FOXJ3: variants seen among roughly 807,000 people sequenced by gnomAD.
FOXJ3 encodes the protein forkhead box protein J3.
Under a neutral mutation model 76.1 loss-of-function variants are expected in FOXJ3, and 22 were observed. That is an observed-to-expected ratio of 0.29 (90% CI 0.21 to 0.41). The LOEUF is 0.41. Ranked by LOEUF, FOXJ3 falls within the 10% of genes least tolerant of loss-of-function variation. The pLI is 1.00. For synonymous variants in FOXJ3, 269 were observed against 261.2 expected (o/e 1.03, Z -0.29); for missense variants, 613 against 762.1 (o/e 0.80, Z 2.30).
At chr1:42,251,986 G>A (rs1261523077) in intron 4 of FOXJ3, among the ~76,000 whole-genome samples, 1 of 151,806 alleles carries the variant, frequency 6.6e-6, no homozygotes, top group Non-Finnish European at 1.5e-5. Context: ...CAAAGTGCTG[G>A]GATTACAGGC....
chr1:42,232,814 C>T (rs527696167), intron 4 of FOXJ3, among the ~76,000 whole-genome samples: 2 of 152,298 alleles, frequency 1.3e-5, no homozygotes, highest in South Asian at 4.1e-4. Flanking sequence ...TCCCATTTGT[C>T]AATTTTGGCT....
intron 2 of FOXJ3, among the ~76,000 whole-genome samples, chr1:42,293,980 TTTC>T (rs1403179464): frequency 6.6e-6 from 1 of 152,178 alleles, no homozygotes; most frequent in Non-Finnish European, 1.5e-5. Flanking sequence ...TTGTTTTCCT[TTTC>T]TTTTGTTGCT....
intron 10 of FOXJ3, 35 bp from the exon 11 acceptor site, chr1:42,188,963 T>C (rs1557620792): frequency 1.5e-6 from 2 of 1,370,994 alleles, no homozygotes; most frequent in East Asian, 4.8e-5. Context: ...GTTAGCACTG[T>C]TATGCAATAA....
At chr1:42,228,215 TAGAA>T (rs1647738278) in intron 4 of FOXJ3, among the ~76,000 whole-genome samples, 1 of 152,130 alleles carries the variant, frequency 6.6e-6, no homozygotes, top group East Asian at 1.9e-4. Context: ...CACCAAAATT[TAGAA>T]AGAAAATGAT....
At chr1:42,274,064 GCTTT>G (rs1420146047) in intron 3 of FOXJ3, among the ~76,000 whole-genome samples, 1 of 152,080 alleles carries the variant, frequency 6.6e-6, no homozygotes, top group Non-Finnish European at 1.5e-5. Flanking sequence ...TTCTTATTGG[GCTTT>G]CTAAGCCACA....
chr1:42,189,629 T>C, intron 9 of FOXJ3: 1 of 429,260 alleles, frequency 2.3e-6, no homozygotes, highest in East Asian at 4.6e-5. Context: ...ACCAGAGAAG[T>C]GACATAACTT....
At chr1:42,232,420 TAA>T (rs1482407172) in intron 4 of FOXJ3, among the ~76,000 whole-genome samples, 38 of 149,516 alleles carry the variant, frequency 2.5e-4, no homozygotes, top group African/African-American at 9.2e-4. Context: ...ACCAATAGTG[TAA>T]AAGTGTTCCT....
chr1:42,314,305 C>T (rs1179217027), intron 1 of FOXJ3, among the ~76,000 whole-genome samples: 2 of 152,196 alleles, frequency 1.3e-5, no homozygotes, highest in Non-Finnish European at 2.9e-5. Context: ...GGCTGGAGGG[C>T]AATGGCGCCA....
intron 2 of FOXJ3, among the ~76,000 whole-genome samples, chr1:42,298,397 C>A (rs1163711145): frequency 6.6e-6 from 1 of 152,126 alleles, no homozygotes; most frequent in South Asian, 2.1e-4. Context: ...TTCAATCTTG[C>A]GAGGTTGTAT....
chr1:42,186,004 T>TTC (rs1646428019), intron 11 of FOXJ3, among the ~76,000 whole-genome samples: 1 of 152,130 alleles, frequency 6.6e-6, no homozygotes. Flanking sequence ...GTAAGTCACT[T>TTC]TCTCCCCCTG....
chr1:42,180,943 T>C (rs1354322935), intron 12 of FOXJ3, among the ~76,000 whole-genome samples: 2 of 152,246 alleles, frequency 1.3e-5, no homozygotes, highest in Non-Finnish European at 2.9e-5. Context: ...TACCACCTTA[T>C]GGTGCCACTT....
At chr1:42,251,659 C>T (rs527937216) in intron 4 of FOXJ3, among the ~76,000 whole-genome samples, 73 of 150,136 alleles carry the variant, frequency 4.9e-4, no homozygotes, top group African/African-American at 1.6e-3. Context: ...CCCACTTGAT[C>T]ATGGTGGATA....
chr1:42,259,664 T>G lies in FOXJ3; in HGVS notation c.444+5451A>C, dbSNP rs574136292. Among the ~76,000 whole-genome samples, 4 of 152,254 alleles carry G rather than the reference T, an allele frequency of 2.6e-5. No individual in the cohort carries two copies. The South Asian group carries it at 6.2e-4, about 24-fold the overall frequency. On this transcript the variant is annotated intron_variant, in intron 4 of 12. Coordinates refer to ENST00000361346, the MANE Select transcript of FOXJ3 (RefSeq NM_014947.5). ...TTCTGAATACCTTAGCTTTCTAACC[T>G]TGGTTTGTCTAATGGAATGCCTCAC...
chr1:42,239,144 CATAT>C (rs1471325710), intron 4 of FOXJ3, among the ~76,000 whole-genome samples: 1 of 152,158 alleles, frequency 6.6e-6, no homozygotes, highest in Non-Finnish European at 1.5e-5. Context: ...GCTAAACTCA[CATAT>C]TATTTCTAGT....
chr1:42,324,078 T>TAGTATATACACAGTGTATATACAC (rs1557725733), intron 1 of FOXJ3, among the ~76,000 whole-genome samples: 1 of 71,302 alleles, frequency 1.4e-5, no homozygotes, highest in African/African-American at 6.2e-5. Context: ...AGTGTATATA[T>TAGTATATACACAGTGTATATACAC]AGTATATATA....
intron 4 of FOXJ3, among the ~76,000 whole-genome samples, chr1:42,248,293 G>A (rs1167037712): frequency 6.6e-6 from 1 of 152,172 alleles, no homozygotes; most frequent in Non-Finnish European, 1.5e-5. Context: ...CCAGCACTTT[G>A]GGAGGCTGAG....
At chr1:42,298,511 G>A (rs868648120) in intron 2 of FOXJ3, among the ~76,000 whole-genome samples, 1 of 152,050 alleles carries the variant, frequency 6.6e-6, no homozygotes, top group African/African-American at 2.4e-5. Context: ...GGTGTCAGGT[G>A]TAATGCTGTC....
intron 4 of FOXJ3, among the ~76,000 whole-genome samples, chr1:42,237,898 A>G (rs989681754): frequency 3.7e-5 from 5 of 135,684 alleles, no homozygotes; most frequent in Non-Finnish European, 7.8e-5. Context: ...TTACATTGGT[A>G]CCTCTATCAA....
In FOXJ3 at chr1:42,265,115, C is replaced by A; in HGVS notation, c.444G>T (p.Lys148Asn). 6.4e-7 allele frequency: 1 copy of A among 1,556,770 alleles called. No homozygotes were observed. The highest frequency in any genetic ancestry group is 8.9e-7 in the Non-Finnish European group (1 of 1,128,808). Residue 148 changes from lysine (K) to asparagine (N), a missense_variant and splice_region_variant, in exon 4 of 13, where the codon AAG becomes AAT. Physicochemically the swap from Lys to Asn is moderately conservative, Grantham distance 94 (BLOSUM62 0). This residue lies in a region of FOXJ3 where 526 missense variants were observed against 601.4 expected (regional missense o/e 0.87). Coordinates refer to ENST00000361346, the MANE Select transcript of FOXJ3 (RefSeq NM_014947.5). ...ACTGTTTTAAGAAGATGAATCCTACCTTTCCAGGGTCATCCTTAGATCGAG... is the reference window on the plus strand; with the variant it reads ...ACTGTTTTAAGAAGATGAATCCTACATTTCCAGGGTCATCCTTAGATCGAG... The part of the protein sequence containing the change: ...KVPRSKDDPG[K>N]GSYWAIDTNP...
Sources: allele counts gnomAD v4.1 joint callset (sites outside exome capture counted in the v4.1 genomes callset), GRCh38; gene constraint gnomAD v4.1.1; regional missense constraint gnomAD v4.1.1; transcripts MANE v1.5; gene names NCBI Gene and HGNC (gene_info 2026-07-23, HGNC 2026-07-21).